Variants in DOCK10 observed in about 807,000 individuals in gnomAD.
DOCK10 encodes dedicator of cytokinesis protein 10.
In DOCK10, 145 loss-of-function variants were observed where a neutral mutation model predicts 280.1. The observed-to-expected ratio is 0.52, with a 90% CI of 0.45 to 0.59. The LOEUF (loss-of-function observed/expected upper bound fraction) is 0.59, where lower values mean the gene tolerates loss of function less well. Ranked by LOEUF, DOCK10 falls within the 20% of genes least tolerant of loss-of-function variation. DOCK10 has a pLI of 0.00. For synonymous variants in DOCK10, 915 were observed against 942.2 expected (o/e 0.97, Z 0.53); for missense variants, 2,368 against 2,651.7 (o/e 0.89, Z 2.35).
chr2:224,939,835 A>G (rs574492585), intron 1 of DOCK10, among the ~76,000 whole-genome samples: 132 of 152,346 alleles, frequency 8.7e-4, no homozygotes, highest in Admixed American at 2.0e-3. Flanking sequence ...TAATTTCAAT[A>G]TGTCTTCCCA....
Position 224,849,329 on chromosome 2 carries a change from C to T in DOCK10, c.2235+178G>A, listed in dbSNP as rs192134108. The stretch of plus-strand genomic sequence containing the variant: ...TGTCCTGAAATACATGAATTTGCAA[C>T]GTACTCCTGGAACAACTGCCAATTA... On this transcript the variant is annotated intron_variant, in intron 19 of 55. Transcript: ENST00000258390. 1.1e-3 allele frequency among the ~76,000 whole-genome samples: 165 copies of T among 152,290 alleles called. 1 individual carries two copies. Among genetic ancestry groups the T allele is most frequent in the South Asian group, 3.5e-3 (17 of 4,826 alleles).
intron 11 of DOCK10, among the ~76,000 whole-genome samples, chr2:224,871,985 C>A (rs539271994): frequency 6.6e-6 from 1 of 152,256 alleles, no homozygotes; most frequent in East Asian, 1.9e-4. Flanking sequence ...TTTCCCAGTT[C>A]TTAGGACAAG....
chr2:224,841,868 T>A lies in DOCK10; in HGVS notation c.2597A>T (p.Glu866Val). The change falls in exon 23 of 56, where the codon GAG becomes GTG. Residue 866 changes from glutamate (E) to valine (V), a missense_variant. Physicochemically the swap from Glu to Val is moderately radical, Grantham distance 121. Transcript: ENST00000258390. Reference protein sequence around the residue: ...QDPHVNAFFQECQKREKDMSQ... With the variant: ...QDPHVNAFFQVCQKREKDMSQ... ...CATATCTTTCTCTCTTTTTTGGCACTCTTGGAAAAATGCATTCACATGTGG... is the reference window on the plus strand; with the variant it reads ...CATATCTTTCTCTCTTTTTTGGCACACTTGGAAAAATGCATTCACATGTGG... The A allele has an allele frequency of 1.9e-6, 3 of 1,613,432 alleles. No individual in the cohort carries two copies. The highest frequency in any genetic ancestry group is 2.5e-6 in the Non-Finnish European group (3 of 1,179,432).
intron 2 of DOCK10, among the ~76,000 whole-genome samples, chr2:224,921,112 A>AAAAAAATATATATAT: frequency 3.7e-5 from 2 of 54,404 alleles, no homozygotes; most frequent in Non-Finnish European, 5.9e-5. Context: ...AAAAAAAAAA[A>AAAAAAATATATATAT]ATATATATAT....
intron 11 of DOCK10, among the ~76,000 whole-genome samples, chr2:224,873,594 C>CAAAAAAAAAAA (rs35401247): frequency 3.0e-5 from 1 of 33,662 alleles, no homozygotes; most frequent in African/African-American, 1.1e-4. Flanking sequence ...AAGACCATCT[C>CAAAAAAAAAAA]AAAAAAAAAA....
chr2:225,029,470 C>A (rs1690017363), intron 1 of DOCK10, among the ~76,000 whole-genome samples: 1 of 152,168 alleles, frequency 6.6e-6, no homozygotes, highest in Admixed American at 6.5e-5. Flanking sequence ...CCATGCCCGG[C>A]CTCTTTATCT....
chr2:224,861,140 T>G (rs1419907939), intron 14 of DOCK10: 1 of 152,130 alleles, frequency 6.6e-6, no homozygotes, highest in East Asian at 1.9e-4. Flanking sequence ...TTATGAGAAA[T>G]AAAAACAAAT....
rs1323942588 is a variant in DOCK10, at chr2:224,874,095, A to G, written c.1158T>C (p.Phe386=). ...TGATTCTCTTGGCAGCTTTTTCTTC[A>G]AATGGTTTGATCACAGACTCAGGTT... is the stretch of plus-strand genomic sequence containing the variant. ...LLEPESVIKP[F]EEKAAKRIMI... is the part of the protein sequence containing the mutation. Residue 386 remains phenylalanine (F), a synonymous_variant, in exon 11 of 56, where the codon TTT becomes TTC. Coordinates refer to ENST00000258390, the MANE Select transcript of DOCK10 (RefSeq NM_014689.3). 5.0e-6 allele frequency: 8 copies of G among 1,611,226 alleles called. No homozygotes were observed. Among genetic ancestry groups the G allele is most frequent in the Non-Finnish European group, 6.8e-6 (8 of 1,178,564 alleles).
intron 6 of DOCK10, 52 bp downstream of exon 6, chr2:224,886,011 G>A: frequency 1.2e-6 from 2 of 1,609,750 alleles, no homozygotes; most frequent in Non-Finnish European, 1.7e-6. Flanking sequence ...ACCAGAGGAG[G>A]GAGTGTTAAG....
chr2:224,767,174 T>G (rs1021107226), intron 55 of DOCK10, among the ~76,000 whole-genome samples: 1 of 40,094 alleles, frequency 2.5e-5, no homozygotes, highest in Non-Finnish European at 4.2e-5. Flanking sequence ...ATCATGTAGT[T>G]TTTTTTTTAG....
At chr2:224,969,761 C>T (rs1704982290) in intron 1 of DOCK10, among the ~76,000 whole-genome samples, 2 of 152,194 alleles carry the variant, frequency 1.3e-5, no homozygotes, top group Admixed American at 6.5e-5. Context: ...GAACCAACAT[C>T]TTTAAGGAAA....
intron 14 of DOCK10, among the ~76,000 whole-genome samples, chr2:224,857,290 G>C (rs1323790618): frequency 1.3e-5 from 2 of 152,118 alleles, no homozygotes; most frequent in Non-Finnish European, 2.9e-5. Context: ...AGAAGAATAG[G>C]AACACAAGTT....
At chr2:224,980,772 C>A (rs4674958) in intron 1 of DOCK10, among the ~76,000 whole-genome samples, 118,263 of 152,096 alleles carry the variant, frequency 0.78, 46,671 homozygotes, top group African/African-American at 0.92. Flanking sequence ...TGGTATTTAG[C>A]AGCTGTGTAA....
At chr2:224,833,966 CTA>C (rs1695421495) in intron 26 of DOCK10, among the ~76,000 whole-genome samples, 182 bp downstream of exon 26, 2 of 152,078 alleles carry the variant, frequency 1.3e-5, no homozygotes, top group Non-Finnish European at 2.9e-5. Flanking sequence ...CTACTTTTTT[CTA>C]TGTTGTCTCG....
chr2:224,819,072 G>A (rs1454459899), intron 29 of DOCK10, among the ~76,000 whole-genome samples: 1 of 152,066 alleles, frequency 6.6e-6, no homozygotes, highest in East Asian at 1.9e-4. Context: ...CCCCTATTTG[G>A]GTAGGGTATT....
chr2:224,945,095 C>T (rs1170375680), intron 1 of DOCK10, among the ~76,000 whole-genome samples: 1 of 152,192 alleles, frequency 6.6e-6, no homozygotes, highest in African/African-American at 2.4e-5. Flanking sequence ...TAGACACGTT[C>T]TTCTGTGCAT....
intron 3 of DOCK10, among the ~76,000 whole-genome samples, chr2:224,913,579 CTG>C (rs1412283012): frequency 1.3e-5 from 2 of 152,230 alleles, no homozygotes; most frequent in South Asian, 2.1e-4. Flanking sequence ...TATTTTGACT[CTG>C]TGTATGGTAC....
In DOCK10 at chr2:224,922,427, G is replaced by A. The variant is rs146151789; in HGVS notation, c.244-5643C>T. Among the ~76,000 whole-genome samples the A allele has an allele frequency of 3.3e-5, 5 of 152,276 alleles. No individual in the cohort carries two copies. The East Asian group carries it at 5.8e-4, about 18-fold the overall frequency. On this transcript the variant is annotated intron_variant, in intron 2 of 55. Transcript: ENST00000258390. ...TAGTATAGCTCAATAGCATAAAAGGGATCTGAAACTGCAGTGGAACTCAGC... is the reference window on the plus strand; with the variant it reads ...TAGTATAGCTCAATAGCATAAAAGGAATCTGAAACTGCAGTGGAACTCAGC...
chr2:224,992,939 G>A (rs1473060702), intron 1 of DOCK10, among the ~76,000 whole-genome samples: 1 of 152,220 alleles, frequency 6.6e-6, no homozygotes. Context: ...GTGAAGATAG[G>A]AGTTGTTGCT....
Sources: gnomAD v4.1 joint callset for allele counts (sites outside exome capture counted in the v4.1 genomes callset) on GRCh38, gnomAD v4.1.1 for gene constraint, MANE v1.5 for transcripts, NCBI Gene and HGNC (gene_info 2026-07-23, HGNC 2026-07-21) for gene names.